The following SVIL variants were observed in gnomAD, a reference collection of about 807,000 sequenced individuals.
SVIL encodes the protein archvillin.
In SVIL, 101 loss-of-function variants were observed where a neutral mutation model predicts 240.4. The observed-to-expected ratio is 0.42, with a 90% CI of 0.36 to 0.50. SVIL has a LOEUF of 0.50. Ranked by LOEUF, SVIL falls within the 20% of genes least tolerant of loss-of-function variation. The probability of loss-of-function intolerance (pLI) is 0.01; values close to 1 mark genes in which losing one functional copy is unlikely to be tolerated. For synonymous variants in SVIL, 999 were observed against 1,100.0 expected (o/e 0.91, Z 1.82); for missense variants, 2,512 against 2,818.7 (o/e 0.89, Z 2.46).
At chr10:29,494,632 C>T (rs1273387592) in intron 20 of SVIL, among the ~76,000 whole-genome samples, 4 of 152,054 alleles carry the variant, frequency 2.6e-5, no homozygotes, top group African/African-American at 7.2e-5. Flanking sequence ...TTCACCAGGC[C>T]CAAGGTCACG....
intron 1 of SVIL, among the ~76,000 whole-genome samples, chr10:29,701,602 T>C (rs1477667086): frequency 6.6e-6 from 1 of 152,168 alleles, no homozygotes; most frequent in East Asian, 1.9e-4. Context: ...TAAAAAAAAT[T>C]GTATCTAGTA....
intron 22 of SVIL, among the ~76,000 whole-genome samples, chr10:29,490,570 GAA>G (rs1292864986): frequency 1.5e-5 from 2 of 132,588 alleles, no homozygotes; most frequent in Non-Finnish European, 3.1e-5. Flanking sequence ...GCAATATGAT[GAA>G]ACCCCCAGTC....
rs1951462820 is a variant in SVIL, at chr10:29,532,729, G to A, written c.1638C>T (p.Arg546=). ...EASKKRKVRT[R]SLSDFTGPPQ... ...GGGGGCCTGTGAAATCTGACAGAGA[G>A]CGGGTACGGACCTTGCGCTTTTTCG... The change falls in exon 8 of 38, where the codon CGC becomes CGT. Residue 546 remains arginine, a synonymous_variant. Transcript: ENST00000355867. 6.2e-7 allele frequency: 1 copy of A among 1,614,208 alleles called. No homozygotes were observed. The highest frequency in any genetic ancestry group is 2.2e-5 in the East Asian group (1 of 44,868).
chr10:29,514,967 G>A (rs1950113223), intron 16 of SVIL, among the ~76,000 whole-genome samples: 1 of 152,332 alleles, frequency 6.6e-6, no homozygotes, highest in South Asian at 2.1e-4. Context: ...CCTTGTATTT[G>A]TCTATTCACT....
chr10:29,634,077 A>C (rs1958216704), intron 1 of SVIL, among the ~76,000 whole-genome samples: 2 of 152,176 alleles, frequency 1.3e-5, no homozygotes, highest in African/African-American at 4.8e-5. Context: ...AGTACGTTGC[A>C]TTGTGAATAT....
At chr10:29,472,178 A>G (rs752455665) in intron 30 of SVIL, among the ~76,000 whole-genome samples, 12 of 152,226 alleles carry the variant, frequency 7.9e-5, no homozygotes, top group Non-Finnish European at 1.3e-4. Flanking sequence ...AAAATGCTCA[A>G]ATGAGAGAGA....
At chr10:29,491,438 G>GACCAT (rs757232234) in intron 21 of SVIL, among the ~76,000 whole-genome samples, 48 of 152,230 alleles carry the variant, frequency 3.2e-4, no homozygotes, top group Admixed American at 6.5e-4. Flanking sequence ...GAATTTGCAC[G>GACCAT]GGCTCCTTGA....
At chr10:29,610,578 G>T (rs1957208190) in intron 1 of SVIL, among the ~76,000 whole-genome samples, 1 of 151,234 alleles carries the variant, frequency 6.6e-6, no homozygotes, top group Non-Finnish European at 1.5e-5. Context: ...GCTCCACTAT[G>T]CCTGGCTAAC....
In SVIL at chr10:29,610,497, T is replaced by C. The variant is rs551408424; in HGVS notation, c.-201+23923A>G. Among the ~76,000 whole-genome samples the C allele has an allele frequency of 6.0e-5, 9 of 149,466 alleles. No individual in the cohort carries two copies. In the South Asian group the frequency reaches 1.7e-3, roughly 28 times the overall value. On this transcript the variant is annotated intron_variant, in intron 1 of 37. Transcript: ENST00000355867. ...CAGGGTCTCGCTCTGTCACCCAGGCTGGAGTGCAGTAGCATGGTCCTCAGC... is the reference window on the plus strand; with the variant it reads ...CAGGGTCTCGCTCTGTCACCCAGGCCGGAGTGCAGTAGCATGGTCCTCAGC...
rs146536342 is a variant in SVIL, at chr10:29,485,496, G to A, written c.4779+589C>T. On this transcript the variant is annotated intron_variant, in intron 26 of 37. Transcript: ENST00000355867. ...TTTCTATGTAAAATTATTCCTGAAG[G>A]TTTCTTTTTCTGTGACTTTTCCCTC... Among the ~76,000 whole-genome samples, 325 of 152,182 alleles carry A rather than the reference G, an allele frequency of 2.1e-3. 7 individuals carry two copies. In the South Asian group the frequency reaches 0.046, roughly 21 times the overall value.
At chr10:29,574,496 G>A (rs1034954456) in intron 1 of SVIL, among the ~76,000 whole-genome samples, 4 of 152,166 alleles carry the variant, frequency 2.6e-5, no homozygotes, top group Non-Finnish European at 5.9e-5. Context: ...GATATCACTG[G>A]AACAAATGAA....
At chr10:29,510,277 T>C (rs1253575452) in intron 17 of SVIL, among the ~76,000 whole-genome samples, 1 of 152,216 alleles carries the variant, frequency 6.6e-6, no homozygotes, top group Non-Finnish European at 1.5e-5. Flanking sequence ...GACCAATCCA[T>C]TGACAGAAAC....
At chr10:29,696,806 G>A (rs1962070842) in intron 1 of SVIL, among the ~76,000 whole-genome samples, 1 of 150,766 alleles carries the variant, frequency 6.6e-6, no homozygotes, top group South Asian at 2.1e-4. Flanking sequence ...CAGCCACCCC[G>A]TCCGGGAGGG....
Position 29,532,574 on chromosome 10 carries a change from C to T in SVIL, c.1793G>A (p.Arg598Gln), listed in dbSNP as rs765537149. The T allele has an allele frequency of 1.2e-5, 20 of 1,613,348 alleles. No individual in the cohort carries two copies. The highest frequency in any genetic ancestry group is 4.0e-5 in the African/African-American group (3 of 74,918). Residue 598 changes from arginine (R) to glutamine (Q), a missense_variant, in exon 8 of 38, where the codon CGA becomes CAA. By Grantham distance (43) the Arg-to-Gln change is conservative. Around this residue, in one of 3 missense-constraint regions of SVIL, gnomAD observed 1,443 missense variants for 1,486.6 expected, o/e 0.97. Transcript: ENST00000355867. The part of the protein sequence containing the change: ...LDTKVSVAQL[R>Q]SAFLASANAC... ...GTTGGCAGATGCCAGGAACGCACTTCGGAGCTGGGCGACAGAGACTTTTGT... is the reference window on the plus strand; with the variant it reads ...GTTGGCAGATGCCAGGAACGCACTTTGGAGCTGGGCGACAGAGACTTTTGT...
intron 1 of SVIL, among the ~76,000 whole-genome samples, chr10:29,610,885 A>G (rs766291499): frequency 3.3e-5 from 5 of 152,106 alleles, no homozygotes; most frequent in Non-Finnish European, 5.9e-5. Context: ...GTGATTCTTT[A>G]GGTGCACTCT....
intron 1 of SVIL, among the ~76,000 whole-genome samples, chr10:29,593,532 A>C (rs571117812): frequency 2.0e-5 from 3 of 152,186 alleles, no homozygotes; most frequent in Non-Finnish European, 4.4e-5. Flanking sequence ...TCACTAAAAC[A>C]TGAACAGGGT....
At chr10:29,554,243 T>C (rs1589233870) in intron 5 of SVIL, among the ~76,000 whole-genome samples, 2 of 151,780 alleles carry the variant, frequency 1.3e-5, no homozygotes, top group South Asian at 4.2e-4. Flanking sequence ...CTTGGGAGGT[T>C]GAGGCTTCAG....
At chr10:29,492,145 G>A (rs1409859910) in intron 21 of SVIL, among the ~76,000 whole-genome samples, 1 of 152,034 alleles carries the variant, frequency 6.6e-6, no homozygotes, top group African/African-American at 2.4e-5. Flanking sequence ...CCACCTCACT[G>A]CACCCCCATC....
chr10:29,499,144 G>A lies in SVIL; in HGVS notation c.3636C>T (p.Phe1212=), dbSNP rs1412697932. The A allele has an allele frequency of 1.2e-6, 2 of 1,613,666 alleles. No homozygotes were observed. Among genetic ancestry groups the A allele is most frequent in the South Asian group, 1.1e-5 (1 of 90,992 alleles). ...GRGAANDSTQ[F]TVAGRMVKKG... Reference sequence around the variant, plus strand: ...TCTTCACCATCCTGCCAGCCACAGTGAACTGGGTCGAGTCGTTGGCCGCTC... The same window carrying A: ...TCTTCACCATCCTGCCAGCCACAGTAAACTGGGTCGAGTCGTTGGCCGCTC... Residue 1212 remains phenylalanine, a synonymous_variant, in exon 18 of 38, where the codon TTC becomes TTT. Coordinates refer to ENST00000355867, the MANE Select transcript of SVIL (RefSeq NM_021738.3).
Sources: allele counts gnomAD v4.1 joint callset (sites outside exome capture counted in the v4.1 genomes callset), GRCh38; gene constraint gnomAD v4.1.1; regional missense constraint gnomAD v4.1.1; transcripts MANE v1.5; gene names NCBI Gene and HGNC (gene_info 2026-07-23, HGNC 2026-07-21).